Variants in PRKD1 observed in about 807,000 individuals in gnomAD.
PRKD1 encodes protein kinase D1, also known as serine/threonine-protein kinase D1.
In PRKD1, 63 loss-of-function variants were observed where a neutral mutation model predicts 95.9. The observed-to-expected ratio is 0.66, with a 90% CI of 0.54 to 0.81. The LOEUF is 0.81. Among genes scored for constraint, PRKD1 ranks in the 30% least tolerant of loss-of-function variants. The pLI is 0.00. For synonymous variants in PRKD1, 425 were observed against 423.1 expected, an observed-to-expected ratio of 1.00 and a Z score of -0.05; for missense variants, 1,048 against 1,165.3, an observed-to-expected ratio of 0.90 and a Z score of 1.47.
chr14:29,723,947 G>A (rs1886022393), intron 2 of PRKD1, among the ~76,000 whole-genome samples: 1 of 152,112 alleles, frequency 6.6e-6, no homozygotes, highest in Non-Finnish European at 1.5e-5. Flanking sequence ...GTGGACAGCA[G>A]GGGAGGTAGG....
chr14:29,749,165 T>G (rs552504456), intron 1 of PRKD1, among the ~76,000 whole-genome samples: 1 of 152,212 alleles, frequency 6.6e-6, no homozygotes, highest in Admixed American at 6.5e-5. Flanking sequence ...AATAAGCTTT[T>G]GCACAACAGG....
intron 1 of PRKD1, among the ~76,000 whole-genome samples, chr14:29,826,663 GTA>G (rs373221137): frequency 2.7e-5 from 2 of 73,760 alleles, no homozygotes; most frequent in Non-Finnish European, 4.9e-5. Flanking sequence ...GTGTGTGTGT[GTA>G]TATATGTGTA....
At chr14:29,785,241 T>G (rs1019210890) in intron 1 of PRKD1, among the ~76,000 whole-genome samples, 2 of 152,196 alleles carry the variant, frequency 1.3e-5, no homozygotes, top group Non-Finnish European at 2.9e-5. Flanking sequence ...AAAGACCTCT[T>G]TTCTACTACT....
chr14:29,901,426 A>G (rs1301147519), intron 1 of PRKD1, among the ~76,000 whole-genome samples: 2 of 152,180 alleles, frequency 1.3e-5, no homozygotes, highest in African/African-American at 4.8e-5. Context: ...CTGTACCCTA[A>G]ACCTCAGCAT....
intron 2 of PRKD1, among the ~76,000 whole-genome samples, chr14:29,699,334 G>A (rs1797479605): frequency 6.6e-6 from 1 of 152,012 alleles, no homozygotes; most frequent in Non-Finnish European, 1.5e-5. Context: ...ATCCAATACT[G>A]GGCTTTTAAT....
At chr14:29,730,152 C>A (rs946128228) in intron 1 of PRKD1, among the ~76,000 whole-genome samples, 26 of 151,858 alleles carry the variant, frequency 1.7e-4, no homozygotes, top group African/African-American at 6.3e-4. Context: ...AAGAAATAGG[C>A]AAAGGATCTG....
At chr14:29,845,398 G>A (rs530536276) in intron 1 of PRKD1, among the ~76,000 whole-genome samples, 17 of 152,086 alleles carry the variant, frequency 1.1e-4, no homozygotes, top group Non-Finnish European at 1.6e-4. Context: ...CTACCAATAT[G>A]ACTATTCACA....
intron 13 of PRKD1, among the ~76,000 whole-genome samples, chr14:29,609,208 C>G (rs1313762945): frequency 6.6e-6 from 1 of 152,114 alleles, no homozygotes; most frequent in Non-Finnish European, 1.5e-5. Flanking sequence ...AGAGATTTAT[C>G]CTGGTTTAAT....
intron 1 of PRKD1, among the ~76,000 whole-genome samples, chr14:29,779,730 T>C (rs1213969773): frequency 6.6e-6 from 1 of 152,164 alleles, no homozygotes; most frequent in Non-Finnish European, 1.5e-5. Flanking sequence ...ATTTATAGAT[T>C]CAATGCCATC....
intron 11 of PRKD1, among the ~76,000 whole-genome samples, chr14:29,628,189 T>C (rs1405986412): frequency 6.6e-6 from 1 of 152,242 alleles, no homozygotes; most frequent in Non-Finnish European, 1.5e-5. Flanking sequence ...CAAATTCATA[T>C]TTGGCTGTTT....
Position 29,597,387 on chromosome 14 carries a change from A to G in PRKD1, c.2434+104T>C, listed in dbSNP as rs1367679853. 1.9e-5 allele frequency: 23 copies of G among 1,221,448 alleles called. No homozygotes were observed. In the Admixed American group the frequency reaches 5.8e-4, roughly 31 times the overall value. The allele number at this position is 1,221,448 out of a possible 1,614,324, so 75.7% of individuals were successfully genotyped here. The stretch of plus-strand genomic sequence containing the variant: ...GTCTCCACTCTGGTGGGCACTTTAC[A>G]ATGAGCATGTATTAAGTTAATAATT... On this transcript the variant is annotated intron_variant, in intron 16 of 17. Coordinates refer to ENST00000331968, the MANE Select transcript of PRKD1 (RefSeq NM_002742.3).
In PRKD1 at chr14:29,597,761, GT is replaced by G; in HGVS notation, c.2167-4del. 6.2e-7 allele frequency: 1 copy of G among 1,607,850 alleles called. No individual in the cohort carries two copies. The highest frequency in any genetic ancestry group is 8.5e-7 in the Non-Finnish European group (1 of 1,176,606). Reference sequence around the variant, plus strand: ...AAACCAAAATCACAAAGTTTCACCTGTTGATGAAAGGATTTGCAGAAATACT... The same window carrying G: ...AAACCAAAATCACAAAGTTTCACCTGTGATGAAAGGATTTGCAGAAATACT... On this transcript the variant is annotated splice_polypyrimidine_tract_variant and splice_region_variant and intron_variant, in intron 15 of 17. Transcript: ENST00000331968.
intron 2 of PRKD1, among the ~76,000 whole-genome samples, chr14:29,675,439 T>C (rs1883100742): frequency 3.9e-5 from 6 of 152,200 alleles, no homozygotes; most frequent in Admixed American, 3.9e-4. Context: ...CACTAATTTA[T>C]TTTCTGTCCC....
chr14:29,620,486 A>G (rs1487816432), intron 13 of PRKD1, among the ~76,000 whole-genome samples: 2 of 146,948 alleles, frequency 1.4e-5, no homozygotes, highest in African/African-American at 2.5e-5. Flanking sequence ...CAAGAAAAAA[A>G]CAAACAACCC....
At chr14:29,849,269 C>T (rs907541878) in intron 1 of PRKD1, among the ~76,000 whole-genome samples, 9 of 152,288 alleles carry the variant, frequency 5.9e-5, no homozygotes, top group South Asian at 4.2e-4. Context: ...CATGCGTGCC[C>T]GCTTCTCATT....
intron 1 of PRKD1, among the ~76,000 whole-genome samples, chr14:29,884,888 C>T (rs1413879148): frequency 1.3e-5 from 2 of 152,010 alleles, no homozygotes; most frequent in African/African-American, 2.4e-5. Flanking sequence ...TTTGGGAGGC[C>T]GAAGCGGGTG....
chr14:29,810,009 T>C (rs533503512), intron 1 of PRKD1, among the ~76,000 whole-genome samples: 1 of 152,300 alleles, frequency 6.6e-6, no homozygotes, highest in Non-Finnish European at 1.5e-5. Flanking sequence ...ATATTGTTTA[T>C]CAGGGAATAG....
intron 1 of PRKD1, among the ~76,000 whole-genome samples, chr14:29,782,552 T>G (rs973783214): frequency 6.6e-6 from 1 of 152,178 alleles, no homozygotes; most frequent in Non-Finnish European, 1.5e-5. Flanking sequence ...GCTTTTTTGA[T>G]ACAGGGTCTC....
At chr14:29,830,545 C>T (rs1171734789) in intron 1 of PRKD1, among the ~76,000 whole-genome samples, 1 of 152,034 alleles carries the variant, frequency 6.6e-6, no homozygotes, top group African/African-American at 2.4e-5. Flanking sequence ...CCATAACAAT[C>T]AGCAGACTTA....
Sources: gnomAD v4.1 joint callset for allele counts (sites outside exome capture counted in the v4.1 genomes callset) on GRCh38, gnomAD v4.1.1 for gene constraint, MANE v1.5 for transcripts, NCBI Gene and HGNC (gene_info 2026-07-23, HGNC 2026-07-21) for gene names.